The following POLR3E variants were observed in gnomAD, a reference collection of about 807,000 sequenced individuals.
The protein encoded by POLR3E is DNA-directed RNA polymerase III subunit RPC5.
A neutral mutation model predicts 96.6 loss-of-function variants in POLR3E; 41 were observed. The observed-to-expected ratio is 0.42, with a 90% CI of 0.33 to 0.55. The LOEUF is 0.55. Among genes scored for constraint, POLR3E ranks in the 20% least tolerant of loss-of-function variants. The probability of loss-of-function intolerance (pLI) is 0.06; values close to 1 mark genes in which losing one functional copy is unlikely to be tolerated. For synonymous variants in POLR3E, 396 were observed against 383.6 expected (o/e 1.03, Z -0.38); for missense variants, 849 against 952.1 (o/e 0.89, Z 1.43).
intron 18 of POLR3E, chr16:22,326,693 G>A (rs2048602975): frequency 3.4e-6 from 1 of 294,496 alleles, no homozygotes; most frequent in Admixed American, 4.8e-5. Context: ...AGGCTCCAAG[G>A]AATGAAATGT....
intron 1 of POLR3E, among the ~76,000 whole-genome samples, chr16:22,300,483 G>T (rs1327108078): frequency 6.6e-6 from 1 of 152,224 alleles, no homozygotes; most frequent in African/African-American, 2.4e-5. Flanking sequence ...GGCCAACAGG[G>T]CATAGCAATA....
At chr16:22,298,744 C>T (rs1379379299) in intron 1 of POLR3E, among the ~76,000 whole-genome samples, 1 of 152,126 alleles carries the variant, frequency 6.6e-6, no homozygotes, top group East Asian at 1.9e-4. Flanking sequence ...ACCTCAGTCT[C>T]GTCATTTCCA....
rs557185507 is a variant in POLR3E at position 22,305,762 on chromosome 16, T to C, written c.87+556T>C. Among the ~76,000 whole-genome samples, 4 of 152,310 alleles carry C rather than the reference T, an allele frequency of 2.6e-5. No individual in the cohort carries two copies. The East Asian group carries it at 7.7e-4, about 29-fold the overall frequency. On this transcript the variant is annotated intron_variant, in intron 3 of 20. Transcript: ENST00000299853. The stretch of plus-strand genomic sequence containing the variant: ...TACCTCTGCCCCCTCCCCTTGCTGC[T>C]GGGCCAGCAGCTTGTCATTGTGGCC...
Position 22,332,051 on chromosome 16 carries a change from C to A in POLR3E, c.1945-9C>A. ...TGTTTCCCATCATAACGTGTTTTTG[C>A]TACTAAAGCATCGACAGGTTTTGCT... On this transcript the variant is annotated splice_polypyrimidine_tract_variant and intron_variant, in intron 19 of 20. Coordinates refer to ENST00000299853, the MANE Select transcript of POLR3E (RefSeq NM_018119.4). 1.9e-6 allele frequency: 3 copies of A among 1,612,058 alleles called. No homozygotes were observed. The highest frequency in any genetic ancestry group is 2.5e-6 in the Non-Finnish European group (3 of 1,179,042).
At chr16:22,317,768 T>C (rs868665972) in intron 12 of POLR3E, among the ~76,000 whole-genome samples, 3 of 151,778 alleles carry the variant, frequency 2.0e-5, no homozygotes, top group East Asian at 1.9e-4. Flanking sequence ...GCCTTCCGAG[T>C]GGCTGGGCCT....
rs1236653505 is a variant in POLR3E, at chr16:22,316,906, C to A, written c.729-89C>A. 6 of 1,435,622 alleles carry A rather than the reference C, an allele frequency of 4.2e-6. No individual in the cohort carries two copies. The Admixed American group carries it at 5.0e-5, about 12-fold the overall frequency. The allele number at this position is 1,435,622 out of a possible 1,614,324, so 88.9% of individuals were successfully genotyped here. A position where few individuals can be genotyped will look rare whatever the true frequency, so the allele number is the denominator to read the frequency against. On this transcript the variant is annotated intron_variant, in intron 10 of 20. Coordinates refer to ENST00000299853, the MANE Select transcript of POLR3E (RefSeq NM_018119.4). ...GGAGGGCGGGGGTGGGCTGTCTGCA[C>A]CCTCTCCCCAGACCCTCACTTGGGT...
chr16:22,313,971 G>T lies in POLR3E; in HGVS notation c.473-108G>T. The T allele has an allele frequency of 1.0e-6, 1 of 978,700 alleles. No homozygotes were observed. Among genetic ancestry groups the T allele is most frequent in the Non-Finnish European group, 1.6e-6 (1 of 612,438 alleles). The allele number at this position is 978,700 out of a possible 1,614,324, so 60.6% of individuals were successfully genotyped here. On this transcript the variant is annotated intron_variant, in intron 7 of 20. Transcript: ENST00000299853. The surrounding 1 kb of genome is among the most constrained non-coding windows in gnomAD (Gnocchi z 4.1). ...CACTGGCTTAGGCAGCTCCCTCTGC[G>T]AGGAGAACTCCCAGCACCCCGGCCT... is the stretch of plus-strand genomic sequence containing the variant.
chr16:22,324,131 G>C (rs2048528073), intron 14 of POLR3E, among the ~76,000 whole-genome samples: 1 of 152,044 alleles, frequency 6.6e-6, no homozygotes, highest in Non-Finnish European at 1.5e-5. Context: ...ATGGTCCCAT[G>C]GTCCCCTTGG....
At position 22,334,807 on chromosome 16, in the gene POLR3E, T is replaced by A. The variant is rs1422059165; in HGVS notation, c.*1107T>A. The A allele has an allele frequency of 6.6e-6, 1 of 152,060 alleles. No homozygotes were observed. The highest frequency in any genetic ancestry group is 2.4e-5 in the African/African-American group (1 of 41,394). The allele number at this position is 152,060 out of a possible 1,614,324, so 9.4% of individuals were successfully genotyped here. A position where few individuals can be genotyped will look rare whatever the true frequency, so the allele number is the denominator to read the frequency against. On this transcript the variant is annotated 3_prime_UTR_variant, in exon 21 of 21. Transcript: ENST00000299853. Reference sequence around the variant, plus strand: ...CAGCCCTAGAAACTGATGGAAAAAATAAGAGTAAGCTAGGTTGGATGACAT... The same window carrying A: ...CAGCCCTAGAAACTGATGGAAAAAAAAAGAGTAAGCTAGGTTGGATGACAT...
rs2048415326 is a variant in POLR3E, at chr16:22,318,955, CT to C, written c.986+16del. ...AACTGGGTGGTGAAGAGGTAAGTTG[CT>C]TTTTTTATTTTTTATTTTTATTTAT... On this transcript the variant is annotated intron_variant, in intron 13 of 20. Coordinates refer to ENST00000299853, the MANE Select transcript of POLR3E (RefSeq NM_018119.4). The surrounding 1 kb of genome is among the most constrained non-coding windows in gnomAD (Gnocchi z 5.0). The C allele has an allele frequency of 1.9e-6, 3 of 1,571,018 alleles. No individual in the cohort carries two copies. The highest frequency in any genetic ancestry group is 1.2e-5 in the South Asian group (1 of 83,218).
At position 22,328,493 on chromosome 16, in the gene POLR3E, C is replaced by G. The variant is rs974857896; in HGVS notation, c.1867-17C>G. The G allele has an allele frequency of 3.7e-6, 6 of 1,611,348 alleles. No homozygotes were observed. Among genetic ancestry groups the G allele is most frequent in the Non-Finnish European group, 5.1e-6 (6 of 1,177,644 alleles). ...GGGTAGAGATGGACAAGCAACTCAC[C>G]CCTGGGCCTTGGTCAGTTTCCCCCC... On this transcript the variant is annotated splice_polypyrimidine_tract_variant and intron_variant, in intron 18 of 20. Coordinates refer to ENST00000299853, the MANE Select transcript of POLR3E (RefSeq NM_018119.4).
rs2048310276 is a variant in POLR3E at position 22,314,231 on chromosome 16, G to A, written c.522+103G>A. 9 of 907,706 alleles carry A rather than the reference G, an allele frequency of 9.9e-6. No individual in the cohort carries two copies. In the East Asian group the frequency reaches 1.5e-4, roughly 15 times the overall value. 56.2% of individuals were successfully genotyped at this position (907,706 alleles called of 1,614,324 possible). On this transcript the variant is annotated intron_variant, in intron 8 of 20. Coordinates refer to ENST00000299853, the MANE Select transcript of POLR3E (RefSeq NM_018119.4). Reference sequence around the variant, plus strand: ...ACAGAATGCAGGTGGAGCAGACAGGGCCCATGCTTTTGAGCCTTCTTGCTG... The same window carrying A: ...ACAGAATGCAGGTGGAGCAGACAGGACCCATGCTTTTGAGCCTTCTTGCTG...
chr16:22,321,663 T>C (rs2048473920), intron 13 of POLR3E, among the ~76,000 whole-genome samples: 1 of 152,234 alleles, frequency 6.6e-6, no homozygotes, highest in African/African-American at 2.4e-5. Flanking sequence ...CGCAGAGCCC[T>C]GTTAAAACCT....
At chr16:22,309,334 T>C (rs774360819) in intron 5 of POLR3E, 94 bp from the exon 6 acceptor site, 34 of 994,028 alleles carry the variant, frequency 3.4e-5, no homozygotes, top group Non-Finnish European at 5.5e-5. Context: ...GCTGTGGCAC[T>C]TCAGAAAGTG....
rs150029739 is a variant in POLR3E, at chr16:22,334,566, G to A, written c.*866G>A. ...GCAGCACTGTCCACTAGAAAGAGGCGAGTCACGTACATAATTTTGAAAGTT... is the reference window on the plus strand; with the variant it reads ...GCAGCACTGTCCACTAGAAAGAGGCAAGTCACGTACATAATTTTGAAAGTT... On this transcript the variant is annotated 3_prime_UTR_variant, in exon 21 of 21. Coordinates refer to ENST00000299853, the MANE Select transcript of POLR3E (RefSeq NM_018119.4). 4.6e-5 allele frequency: 7 copies of A among 152,308 alleles called. No individual in the cohort carries two copies. The highest frequency in any genetic ancestry group is 1.7e-4 in the African/African-American group (7 of 41,558). 9.4% of individuals were successfully genotyped at this position (152,308 alleles called of 1,614,324 possible). A position where few individuals can be genotyped will look rare whatever the true frequency, so the allele number is the denominator to read the frequency against.
chr16:22,325,903 C>G lies in POLR3E; in HGVS notation c.1491C>G (p.Ile497Met), dbSNP rs2048575118. 2 of 1,606,458 alleles carry G rather than the reference C, an allele frequency of 1.2e-6. No individual in the cohort carries two copies. The highest frequency in any genetic ancestry group is 1.3e-5 in the African/African-American group (1 of 74,806). The change falls in exon 18 of 21, where the codon ATC becomes ATG. Residue 497 changes from isoleucine to methionine, a missense_variant. By Grantham distance (10) the Ile-to-Met change is conservative. Coordinates refer to ENST00000299853, the MANE Select transcript of POLR3E (RefSeq NM_018119.4). Reference protein sequence around the residue: ...RVPAVPPGVRIKEEPVSEEGE... With the variant: ...RVPAVPPGVRMKEEPVSEEGE... ...CTGCGGTCCCGCCCGGTGTGCGGAT[C>G]AAGGAGGAGCCCGTGAGCGAGGAGG...
chr16:22,304,925 C>T (rs1334951476), intron 2 of POLR3E, among the ~76,000 whole-genome samples: 1 of 152,104 alleles, frequency 6.6e-6, no homozygotes. Flanking sequence ...GTGGGGGTAC[C>T]AGGTGAACTC....
At chr16:22,316,800 C>A in intron 10 of POLR3E, 114 bp downstream of exon 10, 1 of 1,011,954 alleles carries the variant, frequency 9.9e-7, no homozygotes, top group Non-Finnish European at 1.6e-6. Flanking sequence ...AGGGTGGAGC[C>A]CATTGTCCCC....
chr16:22,306,197 G>A (rs1252508910), intron 3 of POLR3E, among the ~76,000 whole-genome samples: 1 of 152,164 alleles, frequency 6.6e-6, no homozygotes, highest in Non-Finnish European at 1.5e-5. Context: ...CACTTTGCAT[G>A]ATGTTTTCAG....
Sources: gnomAD v4.1 joint callset for allele counts (sites outside exome capture counted in the v4.1 genomes callset) on GRCh38, gnomAD v4.1.1 for gene constraint, Gnocchi (gnomAD v3.1) non-coding constraint, MANE v1.5 for transcripts, NCBI Gene and HGNC (gene_info 2026-07-23, HGNC 2026-07-21) for gene names.